MTSS1: variants seen among roughly 807,000 people sequenced by gnomAD.
The protein encoded by MTSS1 is protein MTSS 1.
Under a neutral mutation model 79.0 loss-of-function variants are expected in MTSS1, and 18 were observed. The ratio of observed to expected loss-of-function variants is 0.23; its 90% CI spans 0.16 to 0.34. The LOEUF (loss-of-function observed/expected upper bound fraction) is 0.34. MTSS1 is among the 10% of genes least tolerant of loss of function. The probability of loss-of-function intolerance (pLI) is 1.00; values close to 1 mark genes in which losing one functional copy is unlikely to be tolerated. For synonymous variants in MTSS1, 341 were observed against 368.6 expected (o/e 0.93, Z 0.86); for missense variants, 815 against 986.2 (o/e 0.83, Z 2.33).
intron 3 of MTSS1, among the ~76,000 whole-genome samples, chr8:124,600,053 A>C (rs996430122): frequency 2.6e-5 from 2 of 77,554 alleles, no homozygotes; most frequent in African/African-American, 1.9e-4. Flanking sequence ...AAAAAAAAAA[A>C]ACAAAAAAAA....
intron 1 of MTSS1, among the ~76,000 whole-genome samples, chr8:124,709,300 G>A (rs1830819089): frequency 1.3e-5 from 2 of 152,002 alleles, no homozygotes; most frequent in African/African-American, 4.8e-5. Flanking sequence ...GAAGTCCCCA[G>A]AAAGTTCATT....
At chr8:124,659,439 C>T (rs938490468) in intron 3 of MTSS1, among the ~76,000 whole-genome samples, 1 of 152,044 alleles carries the variant, frequency 6.6e-6, no homozygotes, top group African/African-American at 2.4e-5. Context: ...AGGAAGGTCG[C>T]CCTTTAAAGT....
At chr8:124,612,988 A>G (rs902094106) in intron 3 of MTSS1, among the ~76,000 whole-genome samples, 2 of 152,164 alleles carry the variant, frequency 1.3e-5, no homozygotes, top group African/African-American at 4.8e-5. Context: ...ATGACAGGAA[A>G]AAAGGTCTCA....
At chr8:124,659,223 C>T (rs1323264905) in intron 3 of MTSS1, among the ~76,000 whole-genome samples, 2 of 151,966 alleles carry the variant, frequency 1.3e-5, no homozygotes, top group African/African-American at 4.8e-5. Context: ...ACCCTTCTGC[C>T]CTGTTTAGAA....
In MTSS1 at chr8:124,727,772, G is replaced by T; in HGVS notation, c.72+112C>A. The T allele has an allele frequency of 1.1e-6, 1 of 934,616 alleles. No homozygotes were observed. The allele number at this position is 934,616 out of a possible 1,614,324, so 57.9% of individuals were successfully genotyped here. On this transcript the variant is annotated intron_variant, in intron 1 of 13. Coordinates refer to ENST00000518547, the MANE Select transcript of MTSS1 (RefSeq NM_014751.6). This position sits in a 1 kb window ranked among gnomAD's most constrained non-coding sequence, Gnocchi z 4.7. ...CGGCCGGGAGCTCCCGCAGGTGGCC[G>T]GTGGCCACACTGCAGGGAAGGGCCG...
At position 124,727,541 on chromosome 8, in the gene MTSS1, C is replaced by A; in HGVS notation, c.72+343G>T. On this transcript the variant is annotated intron_variant, in intron 1 of 13. Coordinates refer to ENST00000518547, the MANE Select transcript of MTSS1 (RefSeq NM_014751.6). The surrounding 1 kb of genome is among the most constrained non-coding windows in gnomAD (Gnocchi z 4.7). ...GGTGTCCTCCCGGGCATCCAGCCCC[C>A]GCGGGTCCCAGACACTTACTTCAGG... 1 of 485,034 alleles carries A rather than the reference C, an allele frequency of 2.1e-6. No individual in the cohort carries two copies. The highest frequency in any genetic ancestry group is 4.1e-6 in the Non-Finnish European group (1 of 246,380). 30.0% of individuals were successfully genotyped at this position (485,034 alleles called of 1,614,324 possible). A position where few individuals can be genotyped will look rare whatever the true frequency, so the allele number is the denominator to read the frequency against.
chr8:124,623,106 T>A (rs1813933397), intron 3 of MTSS1, among the ~76,000 whole-genome samples: 1 of 152,232 alleles, frequency 6.6e-6, no homozygotes, highest in South Asian at 2.1e-4. Context: ...AAGAACTGTC[T>A]TGACTGAAGG....
At chr8:124,712,181 G>A (rs549304125) in intron 1 of MTSS1, among the ~76,000 whole-genome samples, 144 of 152,204 alleles carry the variant, frequency 9.5e-4, no homozygotes, top group African/African-American at 3.4e-3. Context: ...CTTCTACCAG[G>A]AGATCAGTAG....
chr8:124,563,736 AATGC>A (rs1825806243), intron 9 of MTSS1, among the ~76,000 whole-genome samples: 1 of 152,232 alleles, frequency 6.6e-6, no homozygotes, highest in African/African-American at 2.4e-5. Context: ...AAGGGCAATC[AATGC>A]TCAGCTGTTT....
At chr8:124,631,323 C>A (rs573392852) in intron 3 of MTSS1, among the ~76,000 whole-genome samples, 2 of 152,318 alleles carry the variant, frequency 1.3e-5, no homozygotes, top group East Asian at 1.9e-4. Flanking sequence ...CCCTTTACTT[C>A]CAGAGCCAGC....
At chr8:124,705,911 A>T (rs1010105240) in intron 1 of MTSS1, among the ~76,000 whole-genome samples, 1 of 152,194 alleles carries the variant, frequency 6.6e-6, no homozygotes, top group Non-Finnish European at 1.5e-5. Flanking sequence ...ATTTGGGACA[A>T]CCAAAAATGG....
Position 124,553,226 on chromosome 8 carries a change from CGGGCCT to C in MTSS1, c.2028_2033del (p.Gly677_Pro678del). On this transcript the variant is annotated inframe_deletion, in exon 14 of 14. Transcript: ENST00000518547. The surrounding 1 kb of genome is among the most constrained non-coding windows in gnomAD (Gnocchi z 6.0). ...TGTGCTCCTCAGGGATACTGGGCTTCGGGCCTGGAAGTGGAGGGTTAACGGAAGCTT... is the reference window on the plus strand; with the variant it reads ...TGTGCTCCTCAGGGATACTGGGCTTCGGAAGTGGAGGGTTAACGGAAGCTT... 6.2e-7 allele frequency: 1 copy of C among 1,614,082 alleles called. No homozygotes were observed. Among genetic ancestry groups the C allele is most frequent in the African/African-American group, 1.3e-5 (1 of 74,992 alleles).
At chr8:124,628,422 G>A (rs75303522) in intron 3 of MTSS1, among the ~76,000 whole-genome samples, 5,717 of 152,190 alleles carry the variant, frequency 0.038, 253 homozygotes, top group East Asian at 0.16. Context: ...CCGGCAGCAG[G>A]ATGCTTGCCC....
intron 1 of MTSS1, 105 bp from the exon 2 acceptor site, chr8:124,704,296 T>C (rs1830104891): frequency 2.0e-6 from 2 of 992,024 alleles, no homozygotes; most frequent in Non-Finnish European, 1.6e-6. Flanking sequence ...TCTGTGTATG[T>C]TCTCTTCCTT....
chr8:124,574,816 C>G (rs1327436065), intron 6 of MTSS1, among the ~76,000 whole-genome samples: 2 of 152,206 alleles, frequency 1.3e-5, no homozygotes, highest in Non-Finnish European at 2.9e-5. Flanking sequence ...TATGGAGAAG[C>G]CATTAGAATC....
intron 3 of MTSS1, among the ~76,000 whole-genome samples, chr8:124,654,577 T>C (rs897738842): frequency 2.0e-5 from 3 of 152,168 alleles, no homozygotes; most frequent in African/African-American, 7.2e-5. Flanking sequence ...CTAGACCACA[T>C]GAAGTATGAT....
At chr8:124,644,337 A>G (rs1818624092) in intron 3 of MTSS1, among the ~76,000 whole-genome samples, 1 of 152,206 alleles carries the variant, frequency 6.6e-6, no homozygotes, top group Non-Finnish European at 1.5e-5. Flanking sequence ...CCTGAGATCA[A>G]TTGCCAGCTA....
chr8:124,705,462 C>T lies in MTSS1; in HGVS notation c.73-1271G>A, dbSNP rs12543812. Among the ~76,000 whole-genome samples, 114 of 151,970 alleles carry T rather than the reference C, an allele frequency of 7.5e-4. 4 individuals are homozygous for T. The South Asian group carries it at 0.023, about 31-fold the overall frequency. On this transcript the variant is annotated intron_variant, in intron 1 of 13. Transcript: ENST00000518547. ...CTCCAGACTGGGCAACAGAGCAACA[C>T]TCCGTCTCAAAAAATAAAATAATAT...
At chr8:124,570,334 C>T (rs796475293) in intron 6 of MTSS1, among the ~76,000 whole-genome samples, 16 of 152,092 alleles carry the variant, frequency 1.1e-4, no homozygotes, top group South Asian at 4.2e-4. Context: ...TCTAAGTCCA[C>T]GGAGGGGTGC....
Sources: gnomAD v4.1 joint callset for allele counts (sites outside exome capture counted in the v4.1 genomes callset) on GRCh38, gnomAD v4.1.1 for gene constraint, Gnocchi (gnomAD v3.1) non-coding constraint, MANE v1.5 for transcripts, NCBI Gene and HGNC (gene_info 2026-07-23, HGNC 2026-07-21) for gene names.